Variants in ERC2 observed in about 807,000 individuals in gnomAD.
ERC2 encodes ERC protein 2.
A neutral mutation model predicts 114.8 loss-of-function variants in ERC2; 42 were observed. The ratio of observed to expected loss-of-function variants is 0.37; its 90% confidence interval spans 0.29 to 0.47. The LOEUF is 0.47. ERC2 is among the 20% of genes least tolerant of loss of function. The probability of loss-of-function intolerance (pLI) is 0.99; values close to 1 mark genes in which losing one functional copy is unlikely to be tolerated. For synonymous variants in ERC2, 454 were observed against 425.5 expected, an observed-to-expected ratio of 1.07 and a Z score of -0.82; for missense variants, 939 against 1,150.7, an observed-to-expected ratio of 0.82 and a Z score of 2.66.
At chr3:56,398,659 C>A (rs111482142) in intron 2 of ERC2, among the ~76,000 whole-genome samples, 2 of 152,102 alleles carry the variant, frequency 1.3e-5, no homozygotes, top group African/African-American at 4.8e-5. Flanking sequence ...GGCTCTCATT[C>A]TGTTGGCCAG....
At chr3:55,918,573 T>C (rs1004268852) in intron 13 of ERC2, among the ~76,000 whole-genome samples, 6 of 151,970 alleles carry the variant, frequency 3.9e-5, no homozygotes, top group South Asian at 2.1e-4. Context: ...CTTAGACCAA[T>C]AGAATGTGGT....
chr3:56,087,823 A>G (rs1380354282), intron 6 of ERC2, among the ~76,000 whole-genome samples: 1 of 152,180 alleles, frequency 6.6e-6, no homozygotes, highest in East Asian at 1.9e-4. Flanking sequence ...AGTTAAGGGT[A>G]TATTTGAATT....
In ERC2 at chr3:56,434,839, C is replaced by T; in HGVS notation, c.169G>A (p.Ala57Thr). Reference sequence around the variant, plus strand: ...CTCAGATACATGGGTCCAGACGTAGCATAGGCTGCATTGAGGGACTGGATA... The same window carrying T: ...CTCAGATACATGGGTCCAGACGTAGTATAGGCTGCATTGAGGGACTGGATA... ...ENIQSLNAAY[A>T]TSGPMYLSDH... Residue 57 changes from alanine (A) to threonine (T), a missense_variant, in exon 2 of 18, where the codon GCT becomes ACT. Transcript: ENST00000288221. 6.2e-7 allele frequency: 1 copy of T among 1,613,908 alleles called. No individual in the cohort carries two copies. Among genetic ancestry groups the T allele is most frequent in the East Asian group, 2.2e-5 (1 of 44,864 alleles).
chr3:56,252,107 A>G (rs1036694268), intron 3 of ERC2, among the ~76,000 whole-genome samples: 1 of 152,158 alleles, frequency 6.6e-6, no homozygotes, highest in African/African-American at 2.4e-5. Context: ...CCTCATCCTT[A>G]GCATTAAAAT....
At chr3:55,917,133 C>T (rs2065145437) in intron 13 of ERC2, among the ~76,000 whole-genome samples, 1 of 152,072 alleles carries the variant, frequency 6.6e-6, no homozygotes, top group African/African-American at 2.4e-5. Context: ...ATGAAGGTCC[C>T]CTGTTGTAGT....
intron 3 of ERC2, among the ~76,000 whole-genome samples, chr3:56,235,486 A>G (rs1372983905): frequency 6.6e-6 from 1 of 152,324 alleles, no homozygotes; most frequent in East Asian, 1.9e-4. Context: ...AGATTTCACA[A>G]TAAAATAAGA....
In ERC2 at chr3:55,544,410, C is replaced by T. The variant is rs2054603532; in HGVS notation, c.*40-33134G>A. Among the ~76,000 whole-genome samples the T allele has an allele frequency of 2.0e-5, 3 of 152,138 alleles. No homozygotes were observed. In the South Asian group the frequency reaches 6.2e-4, roughly 32 times the overall value. ...GGCCTCCATTCCTTACCTCCCACCCCCAGCTCTATCACATCCACCCTTTGT... is the reference window on the plus strand; with the variant it reads ...GGCCTCCATTCCTTACCTCCCACCCTCAGCTCTATCACATCCACCCTTTGT... On this transcript the variant is annotated intron_variant, in intron 17 of 17. Transcript: ENST00000288221.
At position 55,603,355 on chromosome 3, in the gene ERC2, G is replaced by A. The variant is rs534717502; in HGVS notation, c.*39+80439C>T. 4.6e-5 allele frequency among the ~76,000 whole-genome samples: 7 copies of A among 152,276 alleles called. No individual in the cohort carries two copies. The South Asian group carries it at 1.5e-3, about 32-fold the overall frequency. On this transcript the variant is annotated intron_variant, in intron 17 of 17. Coordinates refer to ENST00000288221, the MANE Select transcript of ERC2 (RefSeq NM_015576.3). ...CCTAAATTTTTAAGAAGCCGCAGCC[G>A]GGTGCGGTGGCTCACGCCTGTAATC...
intron 7 of ERC2, among the ~76,000 whole-genome samples, chr3:56,020,336 T>C (rs1460665413): frequency 6.6e-6 from 1 of 152,198 alleles, no homozygotes; most frequent in Non-Finnish European, 1.5e-5. Context: ...CATTCATTTT[T>C]TTTTCTTCTG....
At chr3:55,973,791 C>A (rs1317323252) in intron 12 of ERC2, among the ~76,000 whole-genome samples, 3 of 152,002 alleles carry the variant, frequency 2.0e-5, no homozygotes, top group Non-Finnish European at 2.9e-5. Context: ...TATTTTTCCC[C>A]CAAATTACAT....
chr3:56,175,094 C>T (rs533856185), intron 3 of ERC2, among the ~76,000 whole-genome samples: 45 of 152,262 alleles, frequency 3.0e-4, no homozygotes, highest in African/African-American at 9.6e-4. Flanking sequence ...TGCCCACATC[C>T]TATTATGCTG....
At chr3:56,164,886 T>C (rs1286833238) in intron 4 of ERC2, among the ~76,000 whole-genome samples, 2 of 152,106 alleles carry the variant, frequency 1.3e-5, no homozygotes, top group African/African-American at 4.8e-5. Context: ...GCCATTTGTA[T>C]GTCTTCTTTG....
intron 2 of ERC2, among the ~76,000 whole-genome samples, chr3:56,300,280 CAAAAA>C (rs200816892): frequency 1.1e-5 from 1 of 93,218 alleles, no homozygotes; most frequent in Non-Finnish European, 2.2e-5. Context: ...TCATGAAATA[CAAAAA>C]AAAAAAAAAA....
At chr3:55,617,501 C>T (rs369800565) in intron 17 of ERC2, among the ~76,000 whole-genome samples, 45 of 152,290 alleles carry the variant, frequency 3.0e-4, no homozygotes, top group African/African-American at 1.1e-3. Flanking sequence ...CTCCGGCCAG[C>T]AGGATCAGAA....
rs1010333724 is a variant in ERC2, at chr3:55,873,056, G to A, written c.2564+15333C>T. Among the ~76,000 whole-genome samples the A allele has an allele frequency of 5.3e-5, 8 of 152,142 alleles. No homozygotes were observed. In the East Asian group the frequency reaches 1.5e-3, roughly 29 times the overall value. ...CAGGAATGCTACTAAACACAGGATA[G>A]GCCCCACAAGAAAGAATTATCCAGC... On this transcript the variant is annotated intron_variant, in intron 14 of 17. Coordinates refer to ENST00000288221, the MANE Select transcript of ERC2 (RefSeq NM_015576.3).
chr3:55,630,775 C>A (rs56330515), intron 17 of ERC2, among the ~76,000 whole-genome samples: 4 of 152,098 alleles, frequency 2.6e-5, no homozygotes, highest in African/African-American at 9.7e-5. Flanking sequence ...AGATTTTTTT[C>A]TTTTTTTCCT....
At chr3:56,127,731 A>G (rs924207648) in intron 6 of ERC2, among the ~76,000 whole-genome samples, 6 of 152,030 alleles carry the variant, frequency 3.9e-5, no homozygotes, top group African/African-American at 9.7e-5. Context: ...TCAAAAGAAA[A>G]AAAAAAAAAA....
At chr3:55,844,716 C>T (rs2061277576) in intron 14 of ERC2, among the ~76,000 whole-genome samples, 2 of 152,092 alleles carry the variant, frequency 1.3e-5, no homozygotes, top group African/African-American at 4.8e-5. Context: ...TAAAGGGATA[C>T]ATGAATTCAA....
rs112267024 is a variant in ERC2 at position 55,551,123 on chromosome 3, TAG to T, written c.*40-39849_*40-39848del. 6.9e-3 allele frequency among the ~76,000 whole-genome samples: 1,046 copies of T among 152,010 alleles called. 11 individuals are homozygous for T. Among genetic ancestry groups the T allele is most frequent in the African/African-American group, 0.024 (993 of 41,438 alleles). ...GTATGTGTGTGTGTGTATATGTGTATAGATATACACACACATACATATATACA... is the reference window on the plus strand; with the variant it reads ...GTATGTGTGTGTGTGTATATGTGTATATATACACACACATACATATATACA... On this transcript the variant is annotated intron_variant, in intron 17 of 17. Coordinates refer to ENST00000288221, the MANE Select transcript of ERC2 (RefSeq NM_015576.3).
Sources: gnomAD v4.1 joint callset for allele counts (sites outside exome capture counted in the v4.1 genomes callset) on GRCh38, gnomAD v4.1.1 for gene constraint, MANE v1.5 for transcripts, NCBI Gene and HGNC (gene_info 2026-07-23, HGNC 2026-07-21) for gene names.